Variants in C1orf87 observed in about 807,000 individuals in gnomAD.
C1orf87 encodes the protein chromosome 1 open reading frame 87.
C1orf87 carries 58 observed loss-of-function variants against 60.5 expected under a neutral mutation model. The ratio of observed to expected loss-of-function variants is 0.96; its 90% CI spans 0.78 to 1.19. The LOEUF (loss-of-function observed/expected upper bound fraction) is 1.19. Ranked by LOEUF, C1orf87 falls within the 50% of genes most tolerant of loss-of-function variation. The pLI, the probability that C1orf87 is intolerant of heterozygous loss-of-function variation, is 0.00. For synonymous variants in C1orf87, 236 were observed against 227.4 expected (o/e 1.04, Z -0.34); for missense variants, 673 against 638.6 (o/e 1.05, Z -0.58).
chr1:60,070,043 C>A (rs1199354945), intron 2 of C1orf87, among the ~76,000 whole-genome samples: 1 of 152,168 alleles, frequency 6.6e-6, no homozygotes, highest in Admixed American at 6.5e-5. Flanking sequence ...TAGGTCTTTC[C>A]CTGGCACCTT....
chr1:60,022,115 T>C (rs1309862884), intron 8 of C1orf87, among the ~76,000 whole-genome samples: 1 of 151,290 alleles, frequency 6.6e-6, no homozygotes, highest in African/African-American at 2.4e-5. Context: ...TTTGATTTTT[T>C]TTTTTTTTTT....
intron 2 of C1orf87, among the ~76,000 whole-genome samples, chr1:60,070,527 G>A (rs891133718): frequency 1.3e-5 from 2 of 152,086 alleles, no homozygotes; most frequent in Non-Finnish European, 2.9e-5. Context: ...TTCCTTACCT[G>A]AGCAACAAGA....
At chr1:60,031,055 T>C (rs1645234513) in intron 7 of C1orf87, among the ~76,000 whole-genome samples, 1 of 152,126 alleles carries the variant, frequency 6.6e-6, no homozygotes, top group Admixed American at 6.5e-5. Context: ...AGAGAGTGCA[T>C]AGCTTTCATA....
intron 2 of C1orf87, among the ~76,000 whole-genome samples, chr1:60,069,366 G>A (rs760061482): frequency 1.3e-5 from 2 of 152,110 alleles, no homozygotes; most frequent in African/African-American, 2.4e-5. Flanking sequence ...TAAGACTGAT[G>A]CTGGAGATCC....
chr1:60,010,565 CTTCTATCAT>C lies in C1orf87; in HGVS notation c.1128-118_1128-110del, dbSNP rs2100256761. On this transcript the variant is annotated intron_variant, in intron 8 of 11. Transcript: ENST00000371201. ...GTGATATTGAATAAGCTTTTTGATA[CTTCTATCAT>C]TTAAGGTCCAATGCAGGAAACAGAA... 35 of 928,840 alleles carry C rather than the reference CTTCTATCAT, an allele frequency of 3.8e-5. 1 individual carries two copies. In the South Asian group the frequency reaches 5.1e-4, roughly 14 times the overall value. The allele number at this position is 928,840 out of a possible 1,614,324, so 57.5% of individuals were successfully genotyped here.
chr1:60,004,685 TTTTC>T (rs1262249567), intron 9 of C1orf87, among the ~76,000 whole-genome samples: 8 of 152,012 alleles, frequency 5.3e-5, no homozygotes, highest in Non-Finnish European at 1.2e-4. Context: ...AGCTATTTTT[TTTTC>T]TTTCTAACAC....
intron 8 of C1orf87, among the ~76,000 whole-genome samples, chr1:60,013,858 T>C (rs1295827602): frequency 6.6e-6 from 1 of 152,066 alleles, no homozygotes; most frequent in Non-Finnish European, 1.5e-5. Flanking sequence ...ATACACCTGG[T>C]GCACCTTGGT....
chr1:60,037,915 T>C, intron 6 of C1orf87, 77 bp downstream of exon 6: 1 of 865,202 alleles, frequency 1.2e-6, no homozygotes, highest in Non-Finnish European at 1.8e-6. Flanking sequence ...CCACCCAGTT[T>C]ATGGTACTTT....
chr1:59,999,016 T>A, intron 10 of C1orf87, among the ~76,000 whole-genome samples: 1 of 152,158 alleles, frequency 6.6e-6, no homozygotes, highest in East Asian at 1.9e-4. Flanking sequence ...TGCCTCTAAC[T>A]TTTGTATACC....
At chr1:60,015,100 G>A (rs895543873) in intron 8 of C1orf87, among the ~76,000 whole-genome samples, 1 of 152,192 alleles carries the variant, frequency 6.6e-6, no homozygotes, top group Non-Finnish European at 1.5e-5. Flanking sequence ...CTGTGTTACG[G>A]TCTAAATGTT....
Position 60,024,208 on chromosome 1 carries a change from T to TG in C1orf87, c.1127+1192dup, listed in dbSNP as rs538866690. Among the ~76,000 whole-genome samples, 6 of 152,294 alleles carry TG rather than the reference T, an allele frequency of 3.9e-5. No individual in the cohort carries two copies. The South Asian group carries it at 1.2e-3, about 32-fold the overall frequency. On this transcript the variant is annotated intron_variant, in intron 8 of 11. Coordinates refer to ENST00000371201, the MANE Select transcript of C1orf87 (RefSeq NM_152377.3). The stretch of plus-strand genomic sequence containing the variant: ...TTTAAAATTGTGATTTTTGCATTGT[T>TG]GATTGAGATTTTCTGTTCCTTTGAA...
intron 8 of C1orf87, among the ~76,000 whole-genome samples, chr1:60,014,203 G>C (rs17119993): frequency 6.6e-6 from 1 of 152,012 alleles, no homozygotes; most frequent in Admixed American, 6.6e-5. Flanking sequence ...CAGAGTGCTC[G>C]GGCTGCACAA....
chr1:60,003,926 G>T (rs1173187971), intron 9 of C1orf87, among the ~76,000 whole-genome samples: 1 of 151,892 alleles, frequency 6.6e-6, no homozygotes, highest in African/African-American at 2.4e-5. Flanking sequence ...CTTAATAGTG[G>T]CTAAATGAAG....
intron 2 of C1orf87, among the ~76,000 whole-genome samples, chr1:60,063,296 T>G (rs560802881): frequency 6.6e-6 from 1 of 152,266 alleles, no homozygotes; most frequent in Admixed American, 6.5e-5. Flanking sequence ...ATCACAAAAT[T>G]TATCCATACT....
chr1:60,008,128 CA>C (rs1645058807), intron 9 of C1orf87, among the ~76,000 whole-genome samples: 1 of 151,986 alleles, frequency 6.6e-6, no homozygotes, highest in Admixed American at 6.6e-5. Context: ...GCTATCACAA[CA>C]ACAATGCAAC....
chr1:60,046,777 C>A (rs143013491), intron 3 of C1orf87, among the ~76,000 whole-genome samples: 36 of 152,214 alleles, frequency 2.4e-4, no homozygotes, highest in African/African-American at 8.2e-4. Context: ...CCACTCTGCC[C>A]CTTTCATCAT....
Position 60,040,126 on chromosome 1 carries a change from G to A in C1orf87, c.538C>T (p.Leu180=), listed in dbSNP as rs752693185. ...CGTGACTTGAGTTCTCTTCTGACCA[G>A]GGCAAGAAGAAAAGCGTCTTCATTT... ...TTNEDAFLLA[L]VRRELKSRPL... The change falls in exon 5 of 12, where the codon CTG becomes TTG. Residue 180 remains leucine (L), a synonymous_variant. Coordinates refer to ENST00000371201, the MANE Select transcript of C1orf87 (RefSeq NM_152377.3). 2 of 1,613,946 alleles carry A rather than the reference G, an allele frequency of 1.2e-6. No individual in the cohort carries two copies. The highest frequency in any genetic ancestry group is 2.7e-5 in the African/African-American group (2 of 74,876).
intron 2 of C1orf87, among the ~76,000 whole-genome samples, chr1:60,059,672 C>A (rs1013826419): frequency 1.3e-5 from 2 of 152,148 alleles, no homozygotes. Flanking sequence ...TTGGATTACA[C>A]CCCTGCCGAG....
chr1:60,014,762 G>A (rs1645113971), intron 8 of C1orf87, among the ~76,000 whole-genome samples: 1 of 152,118 alleles, frequency 6.6e-6, no homozygotes, highest in Non-Finnish European at 1.5e-5. Context: ...TGTACAGTAT[G>A]TAGTTCTCCA....
Sources: allele counts gnomAD v4.1 joint callset (sites outside exome capture counted in the v4.1 genomes callset), GRCh38; gene constraint gnomAD v4.1.1; transcripts MANE v1.5; gene names NCBI Gene and HGNC (gene_info 2026-07-23, HGNC 2026-07-21).